The following ARL15 variants were observed in gnomAD, a reference collection of about 807,000 sequenced individuals.
The protein encoded by ARL15 is ARF like GTPase 15.
Under a neutral mutation model 25.2 loss-of-function variants are expected in ARL15, and 19 were observed. The observed-to-expected ratio is 0.75, with a 90% CI of 0.53 to 1.10. ARL15 has a LOEUF of 1.10. ARL15 is among the 50% of genes least tolerant of loss of function. ARL15 has a pLI of 0.00. For missense variants in ARL15, 220 were observed against 246.0 expected (o/e 0.89, Z 0.71); for synonymous variants, 94 against 86.8 (o/e 1.08, Z -0.46).
intron 4 of ARL15, among the ~76,000 whole-genome samples, chr5:54,037,068 AATTAGTCTATT>A (rs1750190573): frequency 6.6e-6 from 1 of 152,058 alleles, no homozygotes; most frequent in Non-Finnish European, 1.5e-5. Flanking sequence ...ATTTGTCAGA[AATTAGTCTATT>A]ATTAGGTTAC....
intron 1 of ARL15, among the ~76,000 whole-genome samples, chr5:54,268,503 C>A (rs1019783046): frequency 3.3e-5 from 5 of 152,206 alleles, no homozygotes; most frequent in African/African-American, 1.2e-4. Flanking sequence ...TGTTCCATTG[C>A]TGGTGAGGAA....
chr5:54,074,222 G>C (rs1299211890), intron 4 of ARL15, among the ~76,000 whole-genome samples: 1 of 151,428 alleles, frequency 6.6e-6, no homozygotes, highest in Non-Finnish European at 1.5e-5. Flanking sequence ...TCAAACACCA[G>C]GTCCACTGCT....
At chr5:54,060,724 G>T (rs1249644389) in intron 4 of ARL15, among the ~76,000 whole-genome samples, 1 of 152,176 alleles carries the variant, frequency 6.6e-6, no homozygotes, top group Non-Finnish European at 1.5e-5. Flanking sequence ...TGAAAATGTG[G>T]AAGGTGACTC....
At chr5:54,178,739 TA>T (rs1754962487) in intron 1 of ARL15, among the ~76,000 whole-genome samples, 1 of 152,194 alleles carries the variant, frequency 6.6e-6, no homozygotes, top group Admixed American at 6.5e-5. Flanking sequence ...GCTCAATGAG[TA>T]AAACATTAAG....
chr5:54,169,780 G>A (rs1340783174), intron 2 of ARL15, among the ~76,000 whole-genome samples: 1 of 152,124 alleles, frequency 6.6e-6, no homozygotes, highest in African/African-American at 2.4e-5. Flanking sequence ...CGCCCAGTGG[G>A]GAGAGGAGGG....
intron 1 of ARL15, among the ~76,000 whole-genome samples, chr5:54,265,873 A>G (rs1384301493): frequency 2.0e-5 from 3 of 152,168 alleles, no homozygotes; most frequent in Non-Finnish European, 2.9e-5. Flanking sequence ...CAGTTACTAT[A>G]TATCAGGTTC....
At chr5:53,939,914 AC>A (rs1345383537) in intron 4 of ARL15, among the ~76,000 whole-genome samples, 3 of 84,534 alleles carry the variant, frequency 3.5e-5, no homozygotes, top group South Asian at 3.1e-4. Context: ...TCCAGAAAAA[AC>A]AACAACAACA....
At chr5:54,074,441 G>T (rs1322070639) in intron 4 of ARL15, among the ~76,000 whole-genome samples, 1 of 152,142 alleles carries the variant, frequency 6.6e-6, no homozygotes, top group East Asian at 1.9e-4. Flanking sequence ...GTAAATCCAA[G>T]AGTAAGCTAA....
chr5:53,974,830 A>G (rs1747876891), intron 4 of ARL15, among the ~76,000 whole-genome samples: 1 of 152,228 alleles, frequency 6.6e-6, no homozygotes, highest in Admixed American at 6.5e-5. Context: ...CTTGATAATC[A>G]TAGGTGATGT....
chr5:54,028,750 G>A (rs1749870126), intron 4 of ARL15, among the ~76,000 whole-genome samples: 1 of 152,172 alleles, frequency 6.6e-6, no homozygotes, highest in South Asian at 2.1e-4. Flanking sequence ...GGTGGCTCAT[G>A]CCTGTAATCC....
chr5:54,128,711 T>C (rs1305141820), intron 3 of ARL15, among the ~76,000 whole-genome samples: 4 of 148,950 alleles, frequency 2.7e-5, no homozygotes, highest in African/African-American at 9.8e-5. Flanking sequence ...TGATTCTTTT[T>C]TTTTTTTTTT....
intron 1 of ARL15, among the ~76,000 whole-genome samples, chr5:54,276,922 C>G (rs1408245625): frequency 6.6e-6 from 1 of 152,216 alleles, no homozygotes; most frequent in Non-Finnish European, 1.5e-5. Flanking sequence ...GAACACAGCT[C>G]TGCCAACACC....
intron 1 of ARL15, among the ~76,000 whole-genome samples, chr5:54,214,622 T>C (rs1350506197): frequency 1.3e-5 from 2 of 152,154 alleles, no homozygotes; most frequent in Non-Finnish European, 2.9e-5. Flanking sequence ...ATGTGTGAAA[T>C]GCATTGCTTG....
chr5:53,929,719 A>G (rs1746140193), intron 4 of ARL15, among the ~76,000 whole-genome samples: 1 of 152,236 alleles, frequency 6.6e-6, no homozygotes, highest in African/African-American at 2.4e-5. Context: ...CCAATGGACT[A>G]CCATAAATGT....
intron 3 of ARL15, among the ~76,000 whole-genome samples, chr5:54,125,708 A>C (rs1253393605): frequency 6.6e-6 from 1 of 152,198 alleles, no homozygotes; most frequent in Non-Finnish European, 1.5e-5. Context: ...CTGCTGGGTC[A>C]AATGTTAATT....
chr5:53,998,851 G>C (rs1028948191), intron 4 of ARL15, among the ~76,000 whole-genome samples: 1 of 152,174 alleles, frequency 6.6e-6, no homozygotes, highest in African/African-American at 2.4e-5. Context: ...ATGAGAACCA[G>C]GGCAACACCA....
chr5:54,305,825 T>C (rs1561302789), intron 1 of ARL15, among the ~76,000 whole-genome samples: 1 of 152,204 alleles, frequency 6.6e-6, no homozygotes, highest in African/African-American at 2.4e-5. Context: ...ACTGAAACCT[T>C]GAAAAGTAAA....
At chr5:53,922,238 C>T (rs746084222) in intron 4 of ARL15, among the ~76,000 whole-genome samples, 9 of 152,080 alleles carry the variant, frequency 5.9e-5, no homozygotes, top group Non-Finnish European at 1.0e-4. Context: ...CATTCAGTTC[C>T]GTTTAGTTCA....
chr5:54,212,047 A>T (rs998856201), intron 1 of ARL15, among the ~76,000 whole-genome samples: 2 of 152,134 alleles, frequency 1.3e-5, no homozygotes, highest in Non-Finnish European at 2.9e-5. Context: ...GCATCACCAA[A>T]CCTAAAGGGC....
Sources: allele counts gnomAD v4.1 joint callset (sites outside exome capture counted in the v4.1 genomes callset), GRCh38; gene constraint gnomAD v4.1.1; transcripts MANE v1.5; gene names NCBI Gene and HGNC (gene_info 2026-07-23, HGNC 2026-07-21).